MTHFD2L: variants seen among roughly 807,000 people sequenced by gnomAD.
MTHFD2L encodes the protein methylenetetrahydrofolate dehydrogenase (NADP+ dependent) 2 like, also known as bifunctional methylenetetrahydrofolate dehydrogenase/cyclohydrolase 2, mitochondrial.
In MTHFD2L, 29 loss-of-function variants were observed where a neutral mutation model predicts 34.9. The observed-to-expected ratio is 0.83, with a 90% CI of 0.62 to 1.13. MTHFD2L has a LOEUF of 1.13. Among genes scored for constraint, MTHFD2L ranks in the 50% most tolerant of loss-of-function variants. The pLI is 0.00. For synonymous variants in MTHFD2L, 167 were observed against 155.7 expected, an observed-to-expected ratio of 1.07 and a Z score of -0.54; for missense variants, 481 against 446.5, an observed-to-expected ratio of 1.08 and a Z score of -0.70.
At chr4:74,233,950 A>G (rs1740474542) in intron 6 of MTHFD2L, among the ~76,000 whole-genome samples, 1 of 151,770 alleles carries the variant, frequency 6.6e-6, no homozygotes, top group South Asian at 2.1e-4. Flanking sequence ...TATATGTACT[A>G]TTTCTGATTT....
intron 7 of MTHFD2L, among the ~76,000 whole-genome samples, chr4:74,291,003 C>CTTTTTTTTTTTTTTTTTTTATTTTT (rs1748856863): frequency 3.4e-5 from 1 of 29,272 alleles, no homozygotes; most frequent in African/African-American, 1.1e-4. Context: ...TTTTCCTTTT[C>CTTTTTTTTTTTTTTTTTTTATTTTT]TTTTTTTTTT....
intron 6 of MTHFD2L, among the ~76,000 whole-genome samples, chr4:74,245,026 C>T (rs1387326200): frequency 6.6e-6 from 1 of 151,806 alleles, no homozygotes; most frequent in Non-Finnish European, 1.5e-5. Flanking sequence ...AACCCCGTCT[C>T]TACTAAAAAT....
intron 3 of MTHFD2L, among the ~76,000 whole-genome samples, chr4:74,193,614 T>C (rs779564649): frequency 6.6e-6 from 1 of 152,194 alleles, no homozygotes; most frequent in African/African-American, 2.4e-5. Context: ...CAGTCTTTTG[T>C]AGTTCTTATT....
rs922795022 is a variant in MTHFD2L, at chr4:74,216,043, C to T, written c.713-9259C>T. Reference sequence around the variant, plus strand: ...AAACATGTGCTCAATAAAAATAAAACATTTTTCTAATATTAAAACTAAAGT... The same window carrying T: ...AAACATGTGCTCAATAAAAATAAAATATTTTTCTAATATTAAAACTAAAGT... On this transcript the variant is annotated intron_variant, in intron 5 of 7. Transcript: ENST00000325278. Among the ~76,000 whole-genome samples, 39 of 151,202 alleles carry T rather than the reference C, an allele frequency of 2.6e-4. 1 individual carries two copies. The highest frequency in any genetic ancestry group is 8.8e-4 in the African/African-American group (36 of 41,018).
chr4:74,175,961 AT>A (rs1307527478), intron 3 of MTHFD2L, among the ~76,000 whole-genome samples: 2 of 151,960 alleles, frequency 1.3e-5, no homozygotes, highest in African/African-American at 4.8e-5. Context: ...CATCTTTTCT[AT>A]GTCTTGGTGA....
At chr4:74,259,114 T>C (rs374651191) in intron 6 of MTHFD2L, among the ~76,000 whole-genome samples, 1 of 152,122 alleles carries the variant, frequency 6.6e-6, no homozygotes, top group South Asian at 2.1e-4. Context: ...ACAAAAACTT[T>C]ATTCCAGGAA....
intron 2 of MTHFD2L, among the ~76,000 whole-genome samples, chr4:74,115,689 C>T (rs1304431166): frequency 6.6e-6 from 1 of 152,140 alleles, no homozygotes; most frequent in African/African-American, 2.4e-5. Context: ...TGGCATTGCC[C>T]TTTAGTGTGT....
chr4:74,215,492 C>T lies in MTHFD2L; in HGVS notation c.713-9810C>T, dbSNP rs181096600. On this transcript the variant is annotated intron_variant, in intron 5 of 7. Transcript: ENST00000325278. Reference sequence around the variant, plus strand: ...GTTCTTCCTGGGTGAGGTGATGCCCCACCCTGCTTCAGTTCGCCCTCTGTA... The same window carrying T: ...GTTCTTCCTGGGTGAGGTGATGCCCTACCCTGCTTCAGTTCGCCCTCTGTA... Among the ~76,000 whole-genome samples the T allele has an allele frequency of 4.5e-4, 69 of 151,770 alleles. 2 individuals are homozygous for T. Among genetic ancestry groups the T allele is most frequent in the African/African-American group, 1.7e-3 (68 of 41,090 alleles).
intron 6 of MTHFD2L, among the ~76,000 whole-genome samples, chr4:74,234,450 A>G (rs1421613862): frequency 6.6e-6 from 1 of 152,070 alleles, no homozygotes; most frequent in Admixed American, 6.6e-5. Context: ...CTATTTCTAT[A>G]ATACTCAATT....
At chr4:74,140,891 C>T (rs1723239799) in intron 1 of MTHFD2L, among the ~76,000 whole-genome samples, 1 of 152,212 alleles carries the variant, frequency 6.6e-6, no homozygotes, top group African/African-American at 2.4e-5. Context: ...TTCCTGGTTC[C>T]TCCCACAAAA....
intron 1 of MTHFD2L, chr4:74,143,528 T>G: frequency 2.8e-4 from 199 of 712,844 alleles, no homozygotes; most frequent in Middle Eastern, 7.0e-4. Flanking sequence ...CAAGCACGGT[T>G]CCCTGGAACC....
chr4:74,211,522 C>G (rs1158850214), intron 5 of MTHFD2L, among the ~76,000 whole-genome samples: 1 of 152,150 alleles, frequency 6.6e-6, no homozygotes, highest in Non-Finnish European at 1.5e-5. Context: ...CCTTGCATCC[C>G]AGGGAGGAAG....
intron 7 of MTHFD2L, among the ~76,000 whole-genome samples, chr4:74,286,958 G>C (rs989744202): frequency 7.9e-5 from 12 of 152,154 alleles, no homozygotes; most frequent in Non-Finnish European, 5.9e-5. Flanking sequence ...TTTTGTTAAA[G>C]TAAAAATAAA....
chr4:74,291,975 G>T (rs910250304), intron 7 of MTHFD2L, among the ~76,000 whole-genome samples: 25 of 152,148 alleles, frequency 1.6e-4, no homozygotes, highest in African/African-American at 6.0e-4. Context: ...TATAAGAGAA[G>T]ATCTTATACT....
chr4:74,152,664 C>G (rs1473662451), intron 1 of MTHFD2L, among the ~76,000 whole-genome samples: 1 of 152,060 alleles, frequency 6.6e-6, no homozygotes, highest in Non-Finnish European at 1.5e-5. Context: ...TCCTAATGCT[C>G]TCCCTTCCCT....
At chr4:74,169,261 T>G (rs1168309163) in intron 1 of MTHFD2L, among the ~76,000 whole-genome samples, 6 of 152,212 alleles carry the variant, frequency 3.9e-5, no homozygotes, top group Admixed American at 2.0e-4. Context: ...ACAGTTAAGT[T>G]TAATCTGTAT....
chr4:74,184,221 A>G (rs1730716130), intron 3 of MTHFD2L, among the ~76,000 whole-genome samples: 3 of 152,358 alleles, frequency 2.0e-5, no homozygotes, highest in African/African-American at 7.2e-5. Context: ...AATCCAATTA[A>G]ACATCAGAGG....
At chr4:74,175,946 A>G (rs535620391) in intron 3 of MTHFD2L, among the ~76,000 whole-genome samples, 2 of 152,152 alleles carry the variant, frequency 1.3e-5, no homozygotes, top group African/African-American at 4.8e-5. Flanking sequence ...ATCATATGGA[A>G]TGGGCATCTT....
intron 6 of MTHFD2L, among the ~76,000 whole-genome samples, chr4:74,237,049 A>T (rs1042156188): frequency 6.6e-6 from 1 of 152,192 alleles, no homozygotes; most frequent in Non-Finnish European, 1.5e-5. Context: ...GTAACATGGG[A>T]TGACAAGGGT....
Sources: allele counts gnomAD v4.1 joint callset (sites outside exome capture counted in the v4.1 genomes callset), GRCh38; gene constraint gnomAD v4.1.1; transcripts MANE v1.5; gene names NCBI Gene and HGNC (gene_info 2026-07-23, HGNC 2026-07-21).